FOXK1: variants seen among roughly 807,000 people sequenced by gnomAD.
The protein encoded by FOXK1 is forkhead box protein K1.
FOXK1 carries 19 observed loss-of-function variants against 51.9 expected under a neutral mutation model. That is an observed-to-expected ratio of 0.37 (90% CI 0.26 to 0.54). The LOEUF is 0.54. Among genes scored for constraint, FOXK1 ranks in the 20% least tolerant of loss-of-function variants. The pLI, the probability that FOXK1 is intolerant of heterozygous loss-of-function variation, is 0.87. For synonymous variants in FOXK1, 537 were observed against 482.6 expected, an observed-to-expected ratio of 1.11 and a Z score of -1.48; for missense variants, 870 against 1,032.7, an observed-to-expected ratio of 0.84 and a Z score of 2.16.
intron 1 of FOXK1, among the ~76,000 whole-genome samples, chr7:4,708,902 T>C (rs1367047956): frequency 6.6e-6 from 1 of 151,886 alleles, no homozygotes; most frequent in African/African-American, 2.4e-5. Context: ...CCGTCTCTAC[T>C]AAAAATACAG....
intron 1 of FOXK1, among the ~76,000 whole-genome samples, chr7:4,706,046 G>GTATATA (rs1562373250): frequency 9.8e-6 from 1 of 101,904 alleles, no homozygotes; most frequent in Admixed American, 9.0e-5. Flanking sequence ...GTATATACGT[G>GTATATA]TATATATGTA....
intron 1 of FOXK1, among the ~76,000 whole-genome samples, chr7:4,737,092 A>G (rs181168128): frequency 6.6e-6 from 1 of 151,016 alleles, no homozygotes; most frequent in African/African-American, 2.4e-5. Flanking sequence ...TTACGAAAAA[A>G]CACCTCTTCA....
At chr7:4,760,708 G>A (rs576420596) in intron 7 of FOXK1, among the ~76,000 whole-genome samples, 65 of 152,062 alleles carry the variant, frequency 4.3e-4, no homozygotes, top group African/African-American at 1.4e-3. Context: ...AAAATTAGCC[G>A]GGTGTGGTGG....
chr7:4,703,402 C>CGA lies in FOXK1; in HGVS notation c.560+20534_560+20535insGA, dbSNP rs1780044269. Among the ~76,000 whole-genome samples, 1 of 152,132 alleles carries CGA rather than the reference C, an allele frequency of 6.6e-6. No homozygotes were observed. The highest frequency in any genetic ancestry group is 2.1e-4 in the South Asian group (1 of 4,830). Reference sequence around the variant, plus strand: ...GAGGACAACTCGCTGAAGTTCGTGGCCCCAAGACATGCGGAGAACCCGCGT... The same window carrying CGA: ...GAGGACAACTCGCTGAAGTTCGTGGCGACCCAAGACATGCGGAGAACCCGCGT... On this transcript the variant is annotated intron_variant, in intron 1 of 8. Transcript: ENST00000328914. This position sits in a 1 kb window ranked among gnomAD's most constrained non-coding sequence, Gnocchi z 5.6.
At chr7:4,737,574 G>GTGTA (rs56236562) in intron 1 of FOXK1, among the ~76,000 whole-genome samples, 1 of 151,636 alleles carries the variant, frequency 6.6e-6, no homozygotes, top group East Asian at 1.9e-4. Flanking sequence ...GTGTGTGTGT[G>GTGTA]CATGCATGTG....
Position 4,761,355 on chromosome 7 carries a change from A to G in FOXK1, c.1921+67A>G. The stretch of plus-strand genomic sequence containing the variant: ...TGTGGCTCCCAGTAGTCAGTGCGGC[A>G]TGAGAATGTTCTCCCAGTATCTCCC... On this transcript the variant is annotated intron_variant, in intron 8 of 8. Transcript: ENST00000328914. The surrounding 1 kb of genome is among the most constrained non-coding windows in gnomAD (Gnocchi z 6.2). 2 of 1,455,114 alleles carry G rather than the reference A, an allele frequency of 1.4e-6. No individual in the cohort carries two copies. Among genetic ancestry groups the G allele is most frequent in the Non-Finnish European group, 1.9e-6 (2 of 1,063,642 alleles). The allele number at this position is 1,455,114 out of a possible 1,614,324, so 90.1% of individuals were successfully genotyped here. A position where few individuals can be genotyped will look rare whatever the true frequency, so the allele number is the denominator to read the frequency against.
At chr7:4,689,112 G>T (rs1401065030) in intron 1 of FOXK1, among the ~76,000 whole-genome samples, 2 of 151,852 alleles carry the variant, frequency 1.3e-5, no homozygotes, top group Non-Finnish European at 2.9e-5. Context: ...TGAGTAGCTG[G>T]GATTACAGGC....
chr7:4,757,634 C>CAAAAAAAAAAAAAAAAAAAAAAA (rs59200954), intron 5 of FOXK1, among the ~76,000 whole-genome samples: 1 of 20,196 alleles, frequency 5.0e-5, no homozygotes, highest in Non-Finnish European at 1.6e-4. Flanking sequence ...AACTCCGTCT[C>CAAAAAAAAAAAAAAAAAAAAAAA]AAAAAAAAAA....
intron 1 of FOXK1, among the ~76,000 whole-genome samples, chr7:4,710,899 T>C (rs1780166004): frequency 6.6e-6 from 1 of 152,166 alleles, no homozygotes; most frequent in South Asian, 2.1e-4. Context: ...GTGACTCTTG[T>C]TCCTTCTCCT....
At position 4,738,151 on chromosome 7, in the gene FOXK1, A is replaced by ATG. The variant is rs754875196; in HGVS notation, c.561-2684_561-2683dup. ...AAGAGAAAAAAAAAAAAAAAGGGTGATGTGGCCAGTCACGGTGGCTCATGC... is the reference window on the plus strand; with the variant it reads ...AAGAGAAAAAAAAAAAAAAAGGGTGATGTGTGGCCAGTCACGGTGGCTCATGC... On this transcript the variant is annotated intron_variant, in intron 1 of 8. Coordinates refer to ENST00000328914, the MANE Select transcript of FOXK1 (RefSeq NM_001037165.2). 4.2e-3 allele frequency among the ~76,000 whole-genome samples: 623 copies of ATG among 148,412 alleles called. 1 individual carries two copies. Among genetic ancestry groups the ATG allele is most frequent in the Non-Finnish European group, 6.7e-3 (450 of 67,314 alleles).
At position 4,735,373 on chromosome 7, in the gene FOXK1, C is replaced by T. The variant is rs79565343; in HGVS notation, c.561-5465C>T. ...GCTTGCCTGAGATCGACTGCACATACCTTACAACTAACCCTTTCCATTGTT... is the reference window on the plus strand; with the variant it reads ...GCTTGCCTGAGATCGACTGCACATATCTTACAACTAACCCTTTCCATTGTT... On this transcript the variant is annotated intron_variant, in intron 1 of 8. Transcript: ENST00000328914. The surrounding 1 kb of genome is among the most constrained non-coding windows in gnomAD (Gnocchi z 4.7). Among the ~76,000 whole-genome samples, 1,076 of 152,326 alleles carry T rather than the reference C, an allele frequency of 7.1e-3. 13 individuals are homozygous for T. The highest frequency in any genetic ancestry group is 0.025 in the African/African-American group (1,035 of 41,574).
At chr7:4,719,130 TG>T (rs369688649) in intron 1 of FOXK1, among the ~76,000 whole-genome samples, 3,434 of 130,700 alleles carry the variant, frequency 0.026, 137 homozygotes, top group African/African-American at 0.09. Context: ...GTTTTTTTTT[TG>T]TTTGTTTTGT....
Position 4,682,950 on chromosome 7 carries a change from C to G in FOXK1, c.560+82C>G, listed in dbSNP as rs547311441. 1.5e-6 allele frequency: 2 copies of G among 1,323,278 alleles called. No homozygotes were observed. Among genetic ancestry groups the G allele is most frequent in the African/African-American group, 1.5e-5 (1 of 64,814 alleles). The allele number at this position is 1,323,278 out of a possible 1,614,324, so 82.0% of individuals were successfully genotyped here. On this transcript the variant is annotated intron_variant, in intron 1 of 8. Coordinates refer to ENST00000328914, the MANE Select transcript of FOXK1 (RefSeq NM_001037165.2). This position sits in a 1 kb window ranked among gnomAD's most constrained non-coding sequence, Gnocchi z 7.6. ...CTCTGAGGCCCGGGCCTGGGGATCC[C>G]CCTCCAGCTTCCTCGGCCTCGACCC...
Position 4,715,316 on chromosome 7 carries a change from T to C in FOXK1, c.561-25522T>C, listed in dbSNP as rs1450460583. Among the ~76,000 whole-genome samples the C allele has an allele frequency of 1.3e-5, 2 of 152,100 alleles. No individual in the cohort carries two copies. Among genetic ancestry groups the C allele is most frequent in the Non-Finnish European group, 2.9e-5 (2 of 68,014 alleles). ...ATGGCTTCAGTTTGCTGGCAAAGTG[T>C]GTCTCAGAGTGAAGCCGATAGGATC... On this transcript the variant is annotated intron_variant, in intron 1 of 8. Transcript: ENST00000328914. This position sits in a 1 kb window ranked among gnomAD's most constrained non-coding sequence, Gnocchi z 4.5.
intron 1 of FOXK1, among the ~76,000 whole-genome samples, chr7:4,732,002 C>A (rs1780484171): frequency 6.6e-6 from 1 of 152,190 alleles, no homozygotes; most frequent in African/African-American, 2.4e-5. Context: ...TGCCCAGGTG[C>A]CCCCAGGGCA....
chr7:4,725,205 G>T (rs1203035528), intron 1 of FOXK1, among the ~76,000 whole-genome samples: 1 of 152,258 alleles, frequency 6.6e-6, no homozygotes, highest in Non-Finnish European at 1.5e-5. Context: ...TGGGGTCGCG[G>T]GGGTAGATCG....
rs117214404 is a variant in FOXK1 at position 4,762,969 on chromosome 7, C to T, written c.*505C>T. 2,979 of 159,700 alleles carry T rather than the reference C, an allele frequency of 0.019. 45 individuals are homozygous for T. Among genetic ancestry groups the T allele is most frequent in the Middle Eastern group, 0.045 (14 of 308 alleles). 9.9% of individuals were successfully genotyped at this position (159,700 alleles called of 1,614,324 possible). A position where few individuals can be genotyped will look rare whatever the true frequency, so the allele number is the denominator to read the frequency against. On this transcript the variant is annotated 3_prime_UTR_variant, in exon 9 of 9. Transcript: ENST00000328914. The surrounding 1 kb of genome is among the most constrained non-coding windows in gnomAD (Gnocchi z 5.7). ...CGGACCACCTAACAGCCTCTCCGCC[C>T]GGAACGTGACATAGAGAGTGTTGGC...
In FOXK1 at chr7:4,730,738, A is replaced by G. The variant is rs1780441104; in HGVS notation, c.561-10100A>G. Among the ~76,000 whole-genome samples the G allele has an allele frequency of 6.6e-6, 1 of 152,192 alleles. No individual in the cohort carries two copies. The highest frequency in any genetic ancestry group is 2.1e-4 in the South Asian group (1 of 4,832). ...TAGAGAGGCGCCTATGGCTGCAGCC[A>G]CCTGTGTTCGTTTTGGGGTTGTCAT... On this transcript the variant is annotated intron_variant, in intron 1 of 8. Coordinates refer to ENST00000328914, the MANE Select transcript of FOXK1 (RefSeq NM_001037165.2). The surrounding 1 kb of genome is among the most constrained non-coding windows in gnomAD (Gnocchi z 4.7).
intron 1 of FOXK1, among the ~76,000 whole-genome samples, chr7:4,697,702 A>G (rs1464168831): frequency 1.6e-5 from 2 of 123,826 alleles, no homozygotes; most frequent in Admixed American, 8.3e-5. Flanking sequence ...TTTTCTTATT[A>G]TTTTCTAAAG....
Sources: gnomAD v4.1 joint callset for allele counts (sites outside exome capture counted in the v4.1 genomes callset) on GRCh38, gnomAD v4.1.1 for gene constraint, Gnocchi (gnomAD v3.1) non-coding constraint, MANE v1.5 for transcripts, NCBI Gene and HGNC (gene_info 2026-07-23, HGNC 2026-07-21) for gene names.